TENM3: variants seen among roughly 807,000 people sequenced by gnomAD.
TENM3 encodes the protein teneurin-3.
In TENM3, 63 loss-of-function variants were observed where a neutral mutation model predicts 255.1. The observed-to-expected ratio is 0.25, with a 90% CI of 0.20 to 0.30. The LOEUF is 0.30. Ranked by LOEUF, TENM3 falls within the 10% of genes least tolerant of loss-of-function variation. The pLI is 1.00. For synonymous variants in TENM3, 1,306 were observed against 1,322.3 expected (o/e 0.99, Z 0.27); for missense variants, 2,929 against 3,461.1 (o/e 0.85, Z 3.86).
Position 182,800,297 on chromosome 4 carries a change from C to G in TENM3, c.8046C>G (p.Ala2682=), listed in dbSNP as rs1272344030. 2.8e-5 allele frequency: 44 copies of G among 1,594,148 alleles called. No individual in the cohort carries two copies. The highest frequency in any genetic ancestry group is 3.7e-5 in the Non-Finnish European group (44 of 1,178,458). The change falls in exon 28 of 28, where the codon GCC becomes GCG. Residue 2682 remains alanine (A), a synonymous_variant. Transcript: ENST00000511685. ...VLSVEQYPEL[A]DSANNIQFLR... The stretch of plus-strand genomic sequence containing the variant: ...CGGTGGAGCAGTACCCCGAGCTGGC[C>G]GACAGCGCCAACAACATCCAGTTCC...
the TENM3 span, among the ~76,000 whole-genome samples, chr4:181,580,003 T>TATTTA: frequency 8.7e-6 from 1 of 115,318 alleles, no homozygotes; most frequent in African/African-American, 3.2e-5. Context: ...TATTTTATTT[T>TATTTA]ATTTATTTTT....
the TENM3 span, among the ~76,000 whole-genome samples, chr4:181,985,319 GAA>G: frequency 2.3e-3 from 322 of 143,060 alleles, 1 homozygote; most frequent in Middle Eastern, 0.014. Context: ...TTCCCATAGA[GAA>G]AAAAAAAAAA....
At chr4:181,471,635 T>C in the TENM3 span, among the ~76,000 whole-genome samples, 3 of 152,300 alleles carry the variant, frequency 2.0e-5, no homozygotes, top group African/African-American at 7.2e-5. Flanking sequence ...ACTTCAGGCA[T>C]TTATAGGAAG....
chr4:182,723,280 T>G (rs2152697037), intron 13 of TENM3, among the ~76,000 whole-genome samples: 1 of 152,354 alleles, frequency 6.6e-6, no homozygotes, highest in South Asian at 2.1e-4. Flanking sequence ...TATTTCAGTT[T>G]GTTTCATGCA....
chr4:181,499,486 A>C, the TENM3 span, among the ~76,000 whole-genome samples: 1 of 152,216 alleles, frequency 6.6e-6, no homozygotes, highest in Admixed American at 6.5e-5. Context: ...AGGAAAATGC[A>C]GTATAGTGAG....
chr4:182,486,559 A>G (rs1000628609), intron 3 of TENM3, among the ~76,000 whole-genome samples: 2 of 152,168 alleles, frequency 1.3e-5, no homozygotes, highest in Non-Finnish European at 2.9e-5. Context: ...TACTTGCAAA[A>G]AGAATTAAGC....
chr4:181,860,339 G>C, the TENM3 span, among the ~76,000 whole-genome samples: 1 of 152,164 alleles, frequency 6.6e-6, no homozygotes, highest in Non-Finnish European at 1.5e-5. Flanking sequence ...TTCTCCAGAA[G>C]AGTAAAGCCA....
At chr4:181,920,609 G>A in the TENM3 span, among the ~76,000 whole-genome samples, 10 of 151,974 alleles carry the variant, frequency 6.6e-5, no homozygotes, top group African/African-American at 2.2e-4. Flanking sequence ...ATTTGTTTGA[G>A]TTCATTGTAG....
At chr4:182,462,924 T>A (rs775484061) in intron 3 of TENM3, among the ~76,000 whole-genome samples, 9 of 152,102 alleles carry the variant, frequency 5.9e-5, no homozygotes, top group East Asian at 1.9e-4. Flanking sequence ...AATTTTGTAA[T>A]ACTGATCACT....
chr4:182,606,363 AAAAT>A (rs1748424326), intron 4 of TENM3, among the ~76,000 whole-genome samples: 1 of 151,938 alleles, frequency 6.6e-6, no homozygotes, highest in African/African-American at 2.4e-5. Context: ...GTCTCTACGA[AAAAT>A]ACAAAAATTA....
In TENM3 at chr4:182,704,772, AGG is replaced by A. The variant is rs1038663002; in HGVS notation, c.2222-9312_2222-9311del. ...TTTTTGAAAAAGTATTGCCAATTGT[AGG>A]GGAGCAGATCCCTTTAAAGCACGTG... On this transcript the variant is annotated intron_variant, in intron 12 of 27. Coordinates refer to ENST00000511685, the MANE Select transcript of TENM3 (RefSeq NM_001080477.4). Among the ~76,000 whole-genome samples, 18 of 151,424 alleles carry A rather than the reference AGG, an allele frequency of 1.2e-4. No individual in the cohort carries two copies. In the South Asian group the frequency reaches 3.1e-3, roughly 26 times the overall value.
the TENM3 span, among the ~76,000 whole-genome samples, chr4:181,944,477 T>G: frequency 6.6e-6 from 1 of 152,162 alleles, no homozygotes; most frequent in East Asian, 1.9e-4. Context: ...AATGCCAACC[T>G]CTTCCAGAAA....
chr4:181,624,868 C>T, the TENM3 span, among the ~76,000 whole-genome samples: 44 of 152,320 alleles, frequency 2.9e-4, no homozygotes, highest in African/African-American at 1.0e-3. Context: ...CCACCATGGG[C>T]TCACTCACCT....
At chr4:181,823,613 A>G in the TENM3 span, among the ~76,000 whole-genome samples, 2 of 152,194 alleles carry the variant, frequency 1.3e-5, no homozygotes, top group African/African-American at 4.8e-5. Flanking sequence ...TGTAATCACA[A>G]TATTTCTTGC....
the TENM3 span, among the ~76,000 whole-genome samples, chr4:181,539,677 G>A: frequency 0.044 from 6,668 of 152,112 alleles, 222 homozygotes; most frequent in South Asian, 0.15. Context: ...TTGATATGTT[G>A]GATTAATGCA....
chr4:182,711,634 A>G, intron 12 of TENM3: 1 of 886,590 alleles, frequency 1.1e-6, no homozygotes, highest in Non-Finnish European at 1.4e-6. Flanking sequence ...TGACATATCT[A>G]CATATATATC....
the TENM3 span, among the ~76,000 whole-genome samples, chr4:181,945,041 C>G: frequency 6.6e-6 from 1 of 151,988 alleles, no homozygotes; most frequent in Non-Finnish European, 1.5e-5. Flanking sequence ...ATCTATTTGC[C>G]CACCACGACA....
At chr4:181,499,871 G>A in the TENM3 span, among the ~76,000 whole-genome samples, 13 of 152,298 alleles carry the variant, frequency 8.5e-5, no homozygotes, top group Admixed American at 2.6e-4. Flanking sequence ...CTTTCAGGCC[G>A]AAGAAAGGTA....
At chr4:182,153,705 A>G (rs1260186130) in intron 1 of TENM3, among the ~76,000 whole-genome samples, 2 of 152,148 alleles carry the variant, frequency 1.3e-5, no homozygotes, top group African/African-American at 4.8e-5. Context: ...ACATTATCTG[A>G]TGAAAGTAGC....
Sources: allele counts gnomAD v4.1 joint callset (sites outside exome capture counted in the v4.1 genomes callset), GRCh38; gene constraint gnomAD v4.1.1; transcripts MANE v1.5; gene names NCBI Gene and HGNC (gene_info 2026-07-23, HGNC 2026-07-21).